The following KLKB1 variants were observed in gnomAD, a reference collection of about 807,000 sequenced individuals.
KLKB1 encodes the protein plasma kallikrein.
Under a neutral mutation model 73.6 loss-of-function variants are expected in KLKB1, and 58 were observed. The ratio of observed to expected loss-of-function variants is 0.79; its 90% CI spans 0.64 to 0.98. The LOEUF (loss-of-function observed/expected upper bound fraction) is 0.98. KLKB1 is among the 50% of genes least tolerant of loss of function. KLKB1 has a pLI of 0.00. For missense variants in KLKB1, 737 were observed against 763.8 expected, an observed-to-expected ratio of 0.96 and a Z score of 0.41; for synonymous variants, 280 against 258.1, an observed-to-expected ratio of 1.08 and a Z score of -0.81.
chr4:186,235,069 C>T (rs1248662543), intron 4 of KLKB1, among the ~76,000 whole-genome samples: 3 of 152,140 alleles, frequency 2.0e-5, no homozygotes, highest in African/African-American at 7.2e-5. Flanking sequence ...GCATTTTAAC[C>T]AGTTATCAAA....
chr4:186,234,356 G>C lies in KLKB1; in HGVS notation c.328+298G>C, dbSNP rs141040897. 1.4e-4 allele frequency among the ~76,000 whole-genome samples: 21 copies of C among 152,230 alleles called. 1 individual carries two copies. In the East Asian group the frequency reaches 4.0e-3, roughly 29 times the overall value. ...CTCGTTTCCAGATAAGAATTTTTAA[G>C]AAAACACAAGGGAACATCTCTCTCA... On this transcript the variant is annotated intron_variant, in intron 4 of 14. Coordinates refer to ENST00000264690, the MANE Select transcript of KLKB1 (RefSeq NM_000892.5).
At chr4:186,221,869 A>G (rs1268766113), upstream of KLKB1, among the ~76,000 whole-genome samples, 3 of 152,168 alleles carry the variant, frequency 2.0e-5, no homozygotes, top group Non-Finnish European at 2.9e-5. Context: ...TGATCTATTC[A>G]TTGTTGAAAG....
rs1174543697 is a variant in KLKB1 at position 186,254,752 on chromosome 4, T to G, written c.1478T>G (p.Leu493Trp). Residue 493 changes from leucine (L) to tryptophan (W), a missense_variant, in exon 12 of 15, where the codon TTG becomes TGG. Transcript: ENST00000264690. ...DIALIKLQAPLNYTEFQKPIC... is the reference protein window; with the variant it reads ...DIALIKLQAPWNYTEFQKPIC... ...GCCTTGATAAAACTCCAGGCTCCTTTGAATTACACTGGTATGTAGCATATG... is the reference window on the plus strand; with the variant it reads ...GCCTTGATAAAACTCCAGGCTCCTTGGAATTACACTGGTATGTAGCATATG... The G allele has an allele frequency of 6.2e-7, 1 of 1,612,506 alleles. No individual in the cohort carries two copies. The highest frequency in any genetic ancestry group is 1.7e-5 in the Admixed American group (1 of 59,998).
intron 1 of KLKB1, among the ~76,000 whole-genome samples, chr4:186,227,914 T>C (rs1271276245): frequency 6.6e-6 from 1 of 152,218 alleles, no homozygotes; most frequent in Non-Finnish European, 1.5e-5. Context: ...ACTCTCTCTC[T>C]ACCAATTCCC....
At chr4:186,224,373 C>T (rs143319952), upstream of KLKB1, among the ~76,000 whole-genome samples, 87 of 152,302 alleles carry the variant, frequency 5.7e-4, no homozygotes, top group African/African-American at 8.2e-4. Context: ...CACTCAGTGC[C>T]GGCCCATGAA....
chr4:186,233,836 A>G, intron 3 of KLKB1, 116 bp from the exon 4 acceptor site: 1 of 741,536 alleles, frequency 1.3e-6, no homozygotes, highest in Non-Finnish European at 2.4e-6. Flanking sequence ...AGTATTGGGG[A>G]AGCTATATTA....
At chr4:186,211,998 A>G (rs994842140) in intron 2 of KLKB1, 1 of 152,118 alleles carries the variant, frequency 6.6e-6, no homozygotes, top group Non-Finnish European at 1.5e-5. Context: ...CACAGAGTTA[A>G]TCATGCCTTT....
At chr4:186,245,371 T>C (rs1210974864) in intron 6 of KLKB1, among the ~76,000 whole-genome samples, 1 of 152,170 alleles carries the variant, frequency 6.6e-6, no homozygotes, top group Non-Finnish European at 1.5e-5. Context: ...AGCGTCAGTC[T>C]TCAGCCGCTA....
rs370479373 is a variant in KLKB1, at chr4:186,235,841, C to T, written c.329-940C>T. ...ATCTTTAAAAAAAAAAGAGGCCGGG[C>T]GCGGTGGCTCACGCCTGTAATCCCA... On this transcript the variant is annotated intron_variant, in intron 4 of 14. Coordinates refer to ENST00000264690, the MANE Select transcript of KLKB1 (RefSeq NM_000892.5). 1.9e-3 allele frequency among the ~76,000 whole-genome samples: 284 copies of T among 152,028 alleles called. 1 individual carries two copies. The highest frequency in any genetic ancestry group is 6.4e-3 in the African/African-American group (264 of 41,498).
At position 186,214,817 on chromosome 4, in the gene KLKB1, A is replaced by G. The variant is rs568527043; in HGVS notation, c.201+5545A>G. On this transcript the variant is annotated intron_variant, in intron 2 of 14. Coordinates refer to the KLKB1 transcript ENST00000511608. ...GCCTCAGTTTCTTGTCCAGAAGTTC[A>G]CCAAATGGTTATTTCCTTGGGCTGA... Among the ~76,000 whole-genome samples the G allele has an allele frequency of 2.2e-3, 336 of 152,316 alleles. 2 individuals are homozygous for G. Among genetic ancestry groups the G allele is most frequent in the African/African-American group, 7.7e-3 (320 of 41,566 alleles).
At chr4:186,215,245 T>TAA (rs200208661) in intron 2 of KLKB1, among the ~76,000 whole-genome samples, 4,673 of 141,060 alleles carry the variant, frequency 0.033, 231 homozygotes, top group African/African-American at 0.11. Context: ...AGCTGAATAG[T>TAA]AAAAAAAAAA....
At chr4:186,248,254 A>G (rs1738483632) in intron 6 of KLKB1, among the ~76,000 whole-genome samples, 5 of 149,870 alleles carry the variant, frequency 3.3e-5, no homozygotes, top group Admixed American at 2.7e-4. Flanking sequence ...TCTCACAAAA[A>G]AATAATAAAA....
At chr4:186,250,458 C>G in intron 7 of KLKB1, 56 bp downstream of exon 7, 1 of 1,572,248 alleles carries the variant, frequency 6.4e-7, no homozygotes, top group Non-Finnish European at 8.8e-7. Flanking sequence ...GGAGCACTTG[C>G]TGCTGTACTT....
At position 186,254,762 on chromosome 4, in the gene KLKB1, T is replaced by C. The variant is rs1738895087; in HGVS notation, c.1488T>C (p.Thr496=). 1 of 1,611,214 alleles carries C rather than the reference T, an allele frequency of 6.2e-7. No homozygotes were observed. The highest frequency in any genetic ancestry group is 8.5e-7 in the Non-Finnish European group (1 of 1,177,392). The change falls in exon 12 of 15, where the codon ACT becomes ACC. Residue 496 remains threonine (T), a splice_region_variant and synonymous_variant. Coordinates refer to ENST00000264690, the MANE Select transcript of KLKB1 (RefSeq NM_000892.5). ...LIKLQAPLNY[T]EFQKPICLPS... is the part of the protein sequence containing the mutation. ...AACTCCAGGCTCCTTTGAATTACAC[T>C]GGTATGTAGCATATGTAAGAAGGTG...
upstream of KLKB1, among the ~76,000 whole-genome samples, chr4:186,224,312 C>T (rs1737101772): frequency 6.6e-6 from 1 of 152,126 alleles, no homozygotes; most frequent in African/African-American, 2.4e-5. Flanking sequence ...AAAGAGTTCC[C>T]CCATCTTCCA....
intron 11 of KLKB1, among the ~76,000 whole-genome samples, chr4:186,253,079 G>A (rs752835299): frequency 6.6e-6 from 1 of 152,166 alleles, no homozygotes; most frequent in Non-Finnish European, 1.5e-5. Context: ...AATATGAATA[G>A]TAATAGTCCC....
chr4:186,237,472 G>A (rs990010049), intron 5 of KLKB1, among the ~76,000 whole-genome samples: 4 of 151,682 alleles, frequency 2.6e-5, no homozygotes, highest in African/African-American at 4.8e-5. Context: ...TAATTGTACC[G>A]CATCTTCAAA....
intron 6 of KLKB1, 108 bp from the exon 7 acceptor site, chr4:186,250,135 A>T: frequency 9.3e-7 from 1 of 1,075,186 alleles, no homozygotes; most frequent in Non-Finnish European, 1.4e-6. Flanking sequence ...GATGTTTAGT[A>T]CTATGAATAA....
chr4:186,236,947 A>T lies in KLKB1; in HGVS notation c.488+7A>T, dbSNP rs1307938936. The stretch of plus-strand genomic sequence containing the variant: ...TTCACAAGGCAGAGTACCGGTGAGT[A>T]CAATTCAAGGTGTGTGTTCTTTGTA... On this transcript the variant is annotated splice_region_variant and intron_variant, in intron 5 of 14. Transcript: ENST00000264690. 6.2e-7 allele frequency: 1 copy of T among 1,613,856 alleles called. No individual in the cohort carries two copies. The highest frequency in any genetic ancestry group is 8.5e-7 in the Non-Finnish European group (1 of 1,179,834).
Sources: gnomAD v4.1 joint callset for allele counts (sites outside exome capture counted in the v4.1 genomes callset) on GRCh38, gnomAD v4.1.1 for gene constraint, MANE v1.5 for transcripts, NCBI Gene and HGNC (gene_info 2026-07-23, HGNC 2026-07-21) for gene names.